The following SHISA7 variants were observed in gnomAD, a reference collection of about 807,000 sequenced individuals.
SHISA7 encodes protein shisa-7.
Under a neutral mutation model 23.9 loss-of-function variants are expected in SHISA7, and 6 were observed. The ratio of observed to expected loss-of-function variants is 0.25; its 90% confidence interval spans 0.14 to 0.50. SHISA7 has a LOEUF of 0.50. SHISA7 is among the 20% of genes least tolerant of loss of function. The pLI is 0.98. For synonymous variants in SHISA7, 386 were observed against 398.3 expected (o/e 0.97, Z 0.37); for missense variants, 671 against 801.1 (o/e 0.84, Z 1.96).
intron 2 of SHISA7, 112 bp from the exon 3 acceptor site, chr19:55,437,866 C>A: frequency 7.5e-7 from 1 of 1,333,090 alleles, no homozygotes; most frequent in Non-Finnish European, 1.0e-6. Flanking sequence ...CCCAGCCCCT[C>A]TTCCTTCAGA....
chr19:55,433,932 G>A lies in SHISA7; in HGVS notation c.977-136C>T. 2 of 1,033,038 alleles carry A rather than the reference G, an allele frequency of 1.9e-6. No individual in the cohort carries two copies. The highest frequency in any genetic ancestry group is 2.5e-6 in the Non-Finnish European group (2 of 784,546). 64.0% of individuals were successfully genotyped at this position (1,033,038 alleles called of 1,614,324 possible). On this transcript the variant is annotated intron_variant, in intron 3 of 3. Coordinates refer to ENST00000376325, the MANE Select transcript of SHISA7 (RefSeq NM_001145176.2). The surrounding 1 kb of genome is among the most constrained non-coding windows in gnomAD (Gnocchi z 8.4). ...TCCTGGGCATCAGGCTAGCTGTGAGGCCAAAATGCAGATTCCCAGGCCCAG... is the reference window on the plus strand; with the variant it reads ...TCCTGGGCATCAGGCTAGCTGTGAGACCAAAATGCAGATTCCCAGGCCCAG...
chr19:55,435,310 GGTGTGTGT>G (rs372126495), intron 3 of SHISA7, among the ~76,000 whole-genome samples: 1 of 126,346 alleles, frequency 7.9e-6, no homozygotes, highest in African/African-American at 3.1e-5. Context: ...GTGTATATGT[GGTGTGTGT>G]GTGGGTGTGT....
intron 2 of SHISA7, chr19:55,438,619 C>T (rs975674017): frequency 4.0e-5 from 52 of 1,304,118 alleles, no homozygotes; most frequent in Non-Finnish European, 5.2e-5. Flanking sequence ...AGCTGTGGTG[C>T]AGATTATCTG....
At position 55,431,402 on chromosome 19, in the gene SHISA7, A is replaced by G. The variant is rs1319593725; in HGVS notation, c.*1754T>C. ...TCATGGTGGAATCTAGGAGATGATG[A>G]CACCGTCAGCTGTGGTGGCTCCTGA... is the stretch of plus-strand genomic sequence containing the variant. On this transcript the variant is annotated 3_prime_UTR_variant, in exon 4 of 4. Transcript: ENST00000376325. 5 of 151,988 alleles carry G rather than the reference A, an allele frequency of 3.3e-5. No homozygotes were observed. Among genetic ancestry groups the G allele is most frequent in the Non-Finnish European group, 7.4e-5 (5 of 67,976 alleles). The allele number at this position is 151,988 out of a possible 1,614,324, so 9.4% of individuals were successfully genotyped here.
At chr19:55,439,164 A>C (rs1046955400) in intron 2 of SHISA7, among the ~76,000 whole-genome samples, 8 of 152,136 alleles carry the variant, frequency 5.3e-5, no homozygotes, top group Non-Finnish European at 2.9e-5. Flanking sequence ...ACCTGGACCC[A>C]CTGGATGTCT....
Position 55,433,645 on chromosome 19 carries a change from G to T in SHISA7, c.1128C>A (p.Pro376=). The T allele has an allele frequency of 1.3e-6, 2 of 1,489,306 alleles. No homozygotes were observed. Among genetic ancestry groups the T allele is most frequent in the Admixed American group, 2.3e-5 (1 of 44,178 alleles). 92.3% of individuals were successfully genotyped at this position (1,489,306 alleles called of 1,614,324 possible). Residue 376 remains proline, a synonymous_variant, in exon 4 of 4, where the codon CCC becomes CCA. Transcript: ENST00000376325. The surrounding 1 kb of genome is among the most constrained non-coding windows in gnomAD (Gnocchi z 8.4). ...ACATGACCCGCCGGGGGTTGGGCGC[G>T]GGCGCCAGGCCCAGCTCCTCTGGGC... The part of the protein sequence containing the change: ...WGGPEELGLA[P]APNPRRVMSQ...
In SHISA7 at chr19:55,431,266, C is replaced by T. The variant is rs929348418; in HGVS notation, c.*1890G>A. 1 of 152,028 alleles carries T rather than the reference C, an allele frequency of 6.6e-6. No homozygotes were observed. Among genetic ancestry groups the T allele is most frequent in the Non-Finnish European group, 1.5e-5 (1 of 68,016 alleles). 9.4% of individuals were successfully genotyped at this position (152,028 alleles called of 1,614,324 possible). A position where few individuals can be genotyped will look rare whatever the true frequency, so the allele number is the denominator to read the frequency against. ...TCATGGGTCTTGGGAGGTGATGACACCAAAATCATGAGGGATTATGGGAAA... is the reference window on the plus strand; with the variant it reads ...TCATGGGTCTTGGGAGGTGATGACATCAAAATCATGAGGGATTATGGGAAA... On this transcript the variant is annotated 3_prime_UTR_variant, in exon 4 of 4. Transcript: ENST00000376325.
Position 55,437,745 on chromosome 19 carries a change from G to A in SHISA7, c.836C>T (p.Ala279Val). The change falls in exon 3 of 4, where the codon GCC (alanine) becomes GTC (valine). Residue 279 changes from alanine (A) to valine (V), a missense_variant. By Grantham distance (64) the Ala-to-Val change is moderately conservative. This residue lies in a region of SHISA7 where 457 missense variants were observed against 488.3 expected (regional missense o/e 0.94). Transcript: ENST00000376325. Reference sequence around the variant, plus strand: ...CAAGGAGGGGCTGGGCGGCGGCAAGGCTCGCCAGTCTGGGTTAGAGGGGGC... The same window carrying A: ...CAAGGAGGGGCTGGGCGGCGGCAAGACTCGCCAGTCTGGGTTAGAGGGGGC... ...TVKTPNLDWR[A>V]LPPPSPSLHY... 6.5e-7 allele frequency: 1 copy of A among 1,550,328 alleles called. No homozygotes were observed. Among genetic ancestry groups the A allele is most frequent in the African/African-American group, 1.4e-5 (1 of 73,118 alleles).
At chr19:55,434,668 GTA>G (rs1985345459) in intron 3 of SHISA7, among the ~76,000 whole-genome samples, 5 of 115,068 alleles carry the variant, frequency 4.3e-5, no homozygotes, top group African/African-American at 1.0e-4. Context: ...TGGTGTGTGT[GTA>G]TGGTGTGTGG....
chr19:55,433,270 C>A lies in SHISA7; in HGVS notation c.1503G>T (p.Leu501=). 6.6e-7 allele frequency: 1 copy of A among 1,515,388 alleles called. No individual in the cohort carries two copies. The highest frequency in any genetic ancestry group is 8.8e-7 in the Non-Finnish European group (1 of 1,138,462). 93.9% of individuals were successfully genotyped at this position (1,515,388 alleles called of 1,614,324 possible). A position where few individuals can be genotyped will look rare whatever the true frequency, so the allele number is the denominator to read the frequency against. ...GGCGCTGGAAGGGCGGCCTGCGGGC[C>A]AGTGTGCCCCCGCCCCCGCCGGCGT... ...MSDAGGGGGT[L]ARRPPFQRQG... The change falls in exon 4 of 4, where the codon CTG becomes CTT. Residue 501 remains leucine, a synonymous_variant. Coordinates refer to ENST00000376325, the MANE Select transcript of SHISA7 (RefSeq NM_001145176.2). This position sits in a 1 kb window ranked among gnomAD's most constrained non-coding sequence, Gnocchi z 8.4.
intron 3 of SHISA7, 59 bp downstream of exon 3, chr19:55,437,546 C>T (rs1985493841): frequency 1.3e-6 from 2 of 1,531,462 alleles, no homozygotes; most frequent in Non-Finnish European, 1.8e-6. Flanking sequence ...CGGTCCTGAA[C>T]CCAGGCTCTG....
intron 3 of SHISA7, among the ~76,000 whole-genome samples, chr19:55,434,564 GTGTGTGT>G (rs1411208905): frequency 8.1e-6 from 1 of 122,736 alleles, no homozygotes; most frequent in African/African-American, 3.1e-5. Flanking sequence ...GGTGTGTGTG[GTGTGTGT>G]GTATGGTGTG....
chr19:55,437,078 T>C (rs1400452152), intron 3 of SHISA7, among the ~76,000 whole-genome samples: 1 of 152,206 alleles, frequency 6.6e-6, no homozygotes, highest in Non-Finnish European at 1.5e-5. Flanking sequence ...CTTGCACCAA[T>C]GGCATCCAGG....
In SHISA7 at chr19:55,433,223, T is replaced by C. The variant is rs1985253606; in HGVS notation, c.1550A>G (p.Gln517Arg). ...GGGCAGGTGGTGGCCCGGGATGAAC[T>C]GCAGCTGCTCCAGCGTGCCCTGGCG... ...FQRQGTLEQLQFIPGHHLPQH... is the reference protein window; with the variant it reads ...FQRQGTLEQLRFIPGHHLPQH... Residue 517 changes from glutamine to arginine, a missense_variant, in exon 4 of 4, where the codon CAG becomes CGG. By Grantham distance (43) the Gln-to-Arg change is conservative. Coordinates refer to ENST00000376325, the MANE Select transcript of SHISA7 (RefSeq NM_001145176.2). This position sits in a 1 kb window ranked among gnomAD's most constrained non-coding sequence, Gnocchi z 8.4. 6.5e-7 allele frequency: 1 copy of C among 1,527,638 alleles called. No homozygotes were observed. The highest frequency in any genetic ancestry group is 1.4e-5 in the African/African-American group (1 of 70,886). The allele number at this position is 1,527,638 out of a possible 1,614,324, so 94.6% of individuals were successfully genotyped here.
At chr19:55,440,092 A>G (rs1220360529) in intron 2 of SHISA7, among the ~76,000 whole-genome samples, 1 of 152,048 alleles carries the variant, frequency 6.6e-6, no homozygotes. Context: ...TGTGTTACAC[A>G]TTATTCTAAT....
rs1849156607 is a variant in SHISA7 at position 55,432,412 on chromosome 19, T to A, written c.*744A>T. On this transcript the variant is annotated 3_prime_UTR_variant, in exon 4 of 4. Coordinates refer to ENST00000376325, the MANE Select transcript of SHISA7 (RefSeq NM_001145176.2). The surrounding 1 kb of genome is among the most constrained non-coding windows in gnomAD (Gnocchi z 4.6). ...ACATCACAGGAAGAGGCACGGTCCC[T>A]CTGATGACGTCATAGGGCAAGGCAC... 1 of 152,530 alleles carries A rather than the reference T, an allele frequency of 6.6e-6. No individual in the cohort carries two copies. Among genetic ancestry groups the A allele is most frequent in the Admixed American group, 6.5e-5 (1 of 15,276 alleles). 9.4% of individuals were successfully genotyped at this position (152,530 alleles called of 1,614,324 possible). A position where few individuals can be genotyped will look rare whatever the true frequency, so the allele number is the denominator to read the frequency against.
Position 55,442,406 on chromosome 19 carries a change from G to A in SHISA7, c.458C>T (p.Ala153Val). The change falls in exon 1 of 4, where the codon GCG (alanine) becomes GTG (valine). Residue 153 changes from alanine to valine, a missense_variant. Transcript: ENST00000376325. ...CTGGCCGGGCCCTGGCCCCCCGCCC[G>A]CACCCCCAGCGCCCCCGGCGCCCCC... ...LAGGAGGAGG[A>V]GGGPGPGQAG... 1 of 1,379,362 alleles carries A rather than the reference G, an allele frequency of 7.2e-7. No homozygotes were observed. 85.4% of individuals were successfully genotyped at this position (1,379,362 alleles called of 1,614,324 possible). A position where few individuals can be genotyped will look rare whatever the true frequency, so the allele number is the denominator to read the frequency against.
rs1242229961 is a variant in SHISA7, at chr19:55,442,203, T to C, written c.661A>G (p.Asn221Asp). 13 of 1,533,198 alleles carry C rather than the reference T, an allele frequency of 8.5e-6. No homozygotes were observed. The highest frequency in any genetic ancestry group is 1.0e-5 in the Non-Finnish European group (12 of 1,145,424). 95.0% of individuals were successfully genotyped at this position (1,533,198 alleles called of 1,614,324 possible). The change falls in exon 1 of 4, where the codon AAC (asparagine) becomes GAC (aspartate). Residue 221 changes from asparagine to aspartate, a missense_variant. Coordinates refer to ENST00000376325, the MANE Select transcript of SHISA7 (RefSeq NM_001145176.2). ...CGAGAGCACACGCACCTGGGCACGT[T>C]GATATCCCGGTGCGCCCGGGGCGCA... The part of the protein sequence containing the change: ...SRAPRAHRDI[N>D]VPRALVDILR...
Position 55,442,492 on chromosome 19 carries a change from C to A in SHISA7, c.372G>T (p.Ala124=). 1 of 1,471,874 alleles carries A rather than the reference C, an allele frequency of 6.8e-7. No homozygotes were observed. Among genetic ancestry groups the A allele is most frequent in the African/African-American group, 1.5e-5 (1 of 67,924 alleles). 91.2% of individuals were successfully genotyped at this position (1,471,874 alleles called of 1,614,324 possible). A position where few individuals can be genotyped will look rare whatever the true frequency, so the allele number is the denominator to read the frequency against. The change falls in exon 1 of 4, where the codon GCG becomes GCT. Residue 124 remains alanine, a synonymous_variant. Transcript: ENST00000376325. The part of the protein sequence containing the change: ...FCCEHRHMRL[A]QASCSNYDTP... ...TGTCGTAGTTGGAGCAGGAGGCCTG[C>A]GCCAGGCGCATGTGACGGTGCTCAC...
Sources: gnomAD v4.1 joint callset for allele counts (sites outside exome capture counted in the v4.1 genomes callset) on GRCh38, gnomAD v4.1.1 for gene constraint, gnomAD v4.1.1 regional missense constraint, Gnocchi (gnomAD v3.1) non-coding constraint, MANE v1.5 for transcripts, NCBI Gene and HGNC (gene_info 2026-07-23, HGNC 2026-07-21) for gene names.